The following NUP155 variants were observed in gnomAD, a reference collection of about 807,000 sequenced individuals.
NUP155 encodes nucleoporin 155, also known as nuclear pore complex protein Nup155.
NUP155 carries 71 observed loss-of-function variants against 180.4 expected under a neutral mutation model. The ratio of observed to expected loss-of-function variants is 0.39; its 90% CI spans 0.33 to 0.48. The LOEUF (loss-of-function observed/expected upper bound fraction) is 0.48. Ranked by LOEUF, NUP155 falls within the 20% of genes least tolerant of loss-of-function variation. The pLI is 0.91. For missense variants in NUP155, 1,553 were observed against 1,648.9 expected, an observed-to-expected ratio of 0.94 and a Z score of 1.01; for synonymous variants, 582 against 559.5, an observed-to-expected ratio of 1.04 and a Z score of -0.57.
Position 37,317,988 on chromosome 5 carries a change from C to G in NUP155, c.2305G>C (p.Glu769Gln). The G allele has an allele frequency of 6.4e-7, 1 of 1,572,062 alleles. No individual in the cohort carries two copies. The highest frequency in any genetic ancestry group is 8.8e-7 in the Non-Finnish European group (1 of 1,141,610). The change falls in exon 21 of 35, where the codon GAG becomes CAG. Residue 769 changes from glutamate (E) to glutamine (Q), a missense_variant and splice_region_variant. Transcript: ENST00000231498. ...TAACTGATGAGAAGCAATAATTTACCATGAAACTTCCTCTGCAGTTCCTGT... is the reference window on the plus strand; with the variant it reads ...TAACTGATGAGAAGCAATAATTTACGATGAAACTTCCTCTGCAGTTCCTGT... ...MQQELQRKFH[E>Q]AQLSEKISLQ... is the part of the protein sequence containing the mutation.
At position 37,363,961 on chromosome 5, in the gene NUP155, C is replaced by T; in HGVS notation, c.319G>A (p.Gly107Ser). 3 of 1,613,316 alleles carry T rather than the reference C, an allele frequency of 1.9e-6. No homozygotes were observed. The highest frequency in any genetic ancestry group is 2.5e-6 in the Non-Finnish European group (3 of 1,179,356). ...FGHMQCNCMM[G>S]VFPPISRAWL... Reference sequence around the variant, plus strand: ...GCTCTGCTGATAGGAGGGAACACACCCATCATGCAATTACACTGCATATCT... The same window carrying T: ...GCTCTGCTGATAGGAGGGAACACACTCATCATGCAATTACACTGCATATCT... Residue 107 changes from glycine (G) to serine (S), a missense_variant, in exon 3 of 35, where the codon GGT becomes AGT. Physicochemically the swap from Gly to Ser is moderately conservative, Grantham distance 56. Transcript: ENST00000231498.
chr5:37,354,825 C>T (rs1746708169), intron 4 of NUP155, among the ~76,000 whole-genome samples: 2 of 152,018 alleles, frequency 1.3e-5, no homozygotes, highest in South Asian at 4.1e-4. Flanking sequence ...GGCGTGGTGG[C>T]TCACGCCTGT....
Position 37,329,929 on chromosome 5 carries a change from C to T in NUP155, c.1724+109G>A, listed in dbSNP as rs1744844982. ...TTGCAAATGAATTTTGGTAATTTGC[C>T]TACATAGTCACTCAACTGTTTGGCA... On this transcript the variant is annotated intron_variant, in intron 15 of 34. Coordinates refer to ENST00000231498, the MANE Select transcript of NUP155 (RefSeq NM_153485.3). 4 of 777,700 alleles carry T rather than the reference C, an allele frequency of 5.1e-6. No individual in the cohort carries two copies. In the African/African-American group the frequency reaches 7.0e-5, roughly 14 times the overall value. 48.2% of individuals were successfully genotyped at this position (777,700 alleles called of 1,614,324 possible). A position where few individuals can be genotyped will look rare whatever the true frequency, so the allele number is the denominator to read the frequency against.
At chr5:37,314,162 T>C (rs1274003710) in intron 22 of NUP155, 36 bp downstream of exon 22, 1 of 1,459,692 alleles carries the variant, frequency 6.9e-7, no homozygotes, top group African/African-American at 1.4e-5. Context: ...AAACATAGTA[T>C]TAATGGTATA....
intron 32 of NUP155, among the ~76,000 whole-genome samples, chr5:37,296,236 G>A (rs1171437712): frequency 3.9e-5 from 6 of 152,140 alleles, no homozygotes; most frequent in African/African-American, 9.7e-5. Context: ...GAATAGAAAG[G>A]GGGGAAAGGT....
chr5:37,365,736 AAAAT>A (rs1747529692), intron 1 of NUP155, among the ~76,000 whole-genome samples: 1 of 35,692 alleles, frequency 2.8e-5, no homozygotes, highest in Non-Finnish European at 5.5e-5. Flanking sequence ...AAAAAAAAAA[AAAAT>A]ATATATATAT....
intron 3 of NUP155, among the ~76,000 whole-genome samples, chr5:37,359,242 T>G (rs972674692): frequency 6.6e-6 from 1 of 151,608 alleles, no homozygotes; most frequent in Non-Finnish European, 1.5e-5. Flanking sequence ...GAAAACTGTT[T>G]CAGTTCCAAG....
intron 9 of NUP155, among the ~76,000 whole-genome samples, chr5:37,347,393 C>CT (rs1358053053): frequency 6.6e-6 from 1 of 152,014 alleles, no homozygotes; most frequent in Non-Finnish European, 1.5e-5. Flanking sequence ...AACTATCAAA[C>CT]ATAAGAATAA....
At position 37,341,829 on chromosome 5, in the gene NUP155, C is replaced by T. The variant is rs191758327; in HGVS notation, c.1094-587G>A. Among the ~76,000 whole-genome samples the T allele has an allele frequency of 4.1e-3, 622 of 152,240 alleles. 7 individuals carry two copies. The highest frequency in any genetic ancestry group is 0.015 in the African/African-American group (603 of 41,540). On this transcript the variant is annotated intron_variant, in intron 10 of 34. Coordinates refer to ENST00000231498, the MANE Select transcript of NUP155 (RefSeq NM_153485.3). ...TGCTGGGATCACAGGTGTGAGCCACCGCACCCGGCTCCCCTGACTGATCTT... is the reference window on the plus strand; with the variant it reads ...TGCTGGGATCACAGGTGTGAGCCACTGCACCCGGCTCCCCTGACTGATCTT...
rs1743173483 is a variant in NUP155, at chr5:37,306,659, G to T, written c.2903+638C>A. 3.3e-5 allele frequency among the ~76,000 whole-genome samples: 5 copies of T among 151,898 alleles called. No homozygotes were observed. The South Asian group carries it at 1.0e-3, about 32-fold the overall frequency. On this transcript the variant is annotated intron_variant, in intron 25 of 34. Coordinates refer to ENST00000231498, the MANE Select transcript of NUP155 (RefSeq NM_153485.3). ...ATTTTTGTATTTTAGTAGAGACAGGGTTTCACTATGATGGCCAGGCTGGTC... is the reference window on the plus strand; with the variant it reads ...ATTTTTGTATTTTAGTAGAGACAGGTTTTCACTATGATGGCCAGGCTGGTC...
At chr5:37,293,043 A>G in intron 33 of NUP155, 58 bp from the exon 34 acceptor site, 3 of 1,155,146 alleles carry the variant, frequency 2.6e-6, no homozygotes, top group Middle Eastern at 2.2e-4. Flanking sequence ...GATTATTTAA[A>G]TCATTTATAC....
intron 4 of NUP155, among the ~76,000 whole-genome samples, chr5:37,357,370 C>CTACT (rs1746894253): frequency 7.6e-6 from 1 of 131,028 alleles, no homozygotes; most frequent in Non-Finnish European, 1.5e-5. Flanking sequence ...GCACTCCAGC[C>CTACT]CGGGTGATAG....
Position 37,329,968 on chromosome 5 carries a change from T to C in NUP155, c.1724+70A>G, listed in dbSNP as rs571170300. On this transcript the variant is annotated intron_variant, in intron 15 of 34. Transcript: ENST00000231498. ...AACTGTTTGGCAAGGCTTTATCACATTGATAAAATCATTTTAAAAAGTGGC... is the reference window on the plus strand; with the variant it reads ...AACTGTTTGGCAAGGCTTTATCACACTGATAAAATCATTTTAAAAAGTGGC... 32 of 1,090,564 alleles carry C rather than the reference T, an allele frequency of 2.9e-5. No individual in the cohort carries two copies. The African/African-American group carries it at 4.0e-4, about 14-fold the overall frequency. 67.6% of individuals were successfully genotyped at this position (1,090,564 alleles called of 1,614,324 possible).
At chr5:37,369,505 C>A (rs749084941) in intron 1 of NUP155, among the ~76,000 whole-genome samples, 3 of 152,102 alleles carry the variant, frequency 2.0e-5, no homozygotes, top group Non-Finnish European at 4.4e-5. Context: ...TGTGTAAAGG[C>A]ATGAGATATG....
chr5:37,354,925 C>G (rs1420668890), intron 4 of NUP155, among the ~76,000 whole-genome samples: 1 of 151,816 alleles, frequency 6.6e-6, no homozygotes, highest in Non-Finnish European at 1.5e-5. Context: ...AACCCTGTCT[C>G]TACTAAAAAT....
intron 20 of NUP155, among the ~76,000 whole-genome samples, chr5:37,320,763 A>C (rs575463890): frequency 6.6e-6 from 1 of 152,328 alleles, no homozygotes; most frequent in East Asian, 1.9e-4. Context: ...TAGAAAAAAA[A>C]CCAAACAAAC....
chr5:37,342,624 T>TA lies in NUP155; in HGVS notation c.1017dup (p.Lys340Ter). On this transcript the variant is annotated frameshift_variant, in exon 10 of 35. Transcript: ENST00000231498. LOFTEE classifies it high-confidence loss of function. Reference sequence around the variant, plus strand: ...ATCACTGCTATTTGGACAATTGGTTTAAAAACAGAACGATCGATGGTCCTA... The same window carrying TA: ...ATCACTGCTATTTGGACAATTGGTTTAAAAAACAGAACGATCGATGGTCCTA... The TA allele has an allele frequency of 6.2e-7, 1 of 1,611,294 alleles. No homozygotes were observed. Among genetic ancestry groups the TA allele is most frequent in the Non-Finnish European group, 8.5e-7 (1 of 1,177,478 alleles).
chr5:37,350,394 A>C, intron 6 of NUP155, 129 bp from the exon 7 acceptor site: 1 of 660,192 alleles, frequency 1.5e-6, no homozygotes, highest in East Asian at 2.7e-5. Context: ...AATACCAGTT[A>C]TAATCAACAA....
chr5:37,299,389 C>G (rs1742746699), intron 31 of NUP155, 59 bp downstream of exon 31: 1 of 1,597,906 alleles, frequency 6.3e-7, no homozygotes. Flanking sequence ...TAGCAGCTTG[C>G]ATTCCTCCAC....
Sources: allele counts gnomAD v4.1 joint callset (sites outside exome capture counted in the v4.1 genomes callset), GRCh38; gene constraint gnomAD v4.1.1; transcripts MANE v1.5; gene names NCBI Gene and HGNC (gene_info 2026-07-23, HGNC 2026-07-21).